The following DMXL1 variants were observed in gnomAD, a reference collection of about 807,000 sequenced individuals.
DMXL1 encodes the protein Dmx like 1.
Under a neutral mutation model 319.2 loss-of-function variants are expected in DMXL1, and 99 were observed. The observed-to-expected ratio is 0.31, with a 90% CI of 0.26 to 0.37. The LOEUF (loss-of-function observed/expected upper bound fraction) is 0.37. Ranked by LOEUF, DMXL1 falls within the 10% of genes least tolerant of loss-of-function variation. The pLI, the probability that DMXL1 is intolerant of heterozygous loss-of-function variation, is 1.00. For missense variants in DMXL1, 3,745 were observed against 3,595.6 expected, an observed-to-expected ratio of 1.04 and a Z score of -1.06; for synonymous variants, 1,385 against 1,235.2, an observed-to-expected ratio of 1.12 and a Z score of -2.54.
intron 4 of DMXL1, among the ~76,000 whole-genome samples, chr5:119,106,297 T>C (rs1435776822): frequency 1.3e-5 from 2 of 152,146 alleles, no homozygotes; most frequent in Non-Finnish European, 2.9e-5. Flanking sequence ...TGCCACATTA[T>C]ATGGTCACAG....
chr5:119,126,251 C>G (rs1415940065), intron 9 of DMXL1, among the ~76,000 whole-genome samples: 2 of 151,978 alleles, frequency 1.3e-5, no homozygotes, highest in Non-Finnish European at 2.9e-5. Flanking sequence ...CCATTGCCCT[C>G]CACCCTGGGC....
rs1225726281 is a variant in DMXL1, at chr5:119,083,646, A to AT, written c.87+11992dup. On this transcript the variant is annotated intron_variant, in intron 1 of 43. Coordinates refer to ENST00000539542, the MANE Select transcript of DMXL1 (RefSeq NM_001290321.3). ...AACCTCTGCTTCCTAGGTTCAAGCG[A>AT]TTCTCCTGCCTCTGCCTCGGAGTAG... 5.9e-5 allele frequency among the ~76,000 whole-genome samples: 9 copies of AT among 152,122 alleles called. No homozygotes were observed. In the South Asian group the frequency reaches 1.9e-3, roughly 32 times the overall value.
intron 5 of DMXL1, among the ~76,000 whole-genome samples, chr5:119,113,284 C>T (rs1486069656): frequency 6.6e-6 from 1 of 152,116 alleles, no homozygotes; most frequent in African/African-American, 2.4e-5. Context: ...GCTCTGTCAC[C>T]CAGGCTGAGT....
chr5:119,146,252 G>C (rs1264450010), intron 15 of DMXL1, among the ~76,000 whole-genome samples: 1 of 151,762 alleles, frequency 6.6e-6, no homozygotes, highest in African/African-American at 2.4e-5. Context: ...AGAAAACTTG[G>C]ATTAAAATCT....
At chr5:119,236,007 CAA>C (rs1787685358) in intron 39 of DMXL1, among the ~76,000 whole-genome samples, 1 of 151,836 alleles carries the variant, frequency 6.6e-6, no homozygotes, top group African/African-American at 2.4e-5. Context: ...ATATTATTAA[CAA>C]ATATAAAAAC....
chr5:119,192,531 T>TAA (rs1328503182), intron 29 of DMXL1, among the ~76,000 whole-genome samples: 1 of 152,212 alleles, frequency 6.6e-6, no homozygotes, highest in Non-Finnish European at 1.5e-5. Flanking sequence ...TACTTACTTA[T>TAA]ATAACTTTCT....
chr5:119,141,559 C>G (rs1383728015), intron 13 of DMXL1, among the ~76,000 whole-genome samples: 2 of 152,218 alleles, frequency 1.3e-5, no homozygotes, highest in East Asian at 1.9e-4. Context: ...GGTGGAAGAT[C>G]TCTACAATGA....
At chr5:119,172,502 A>G (rs1472042851) in intron 25 of DMXL1, among the ~76,000 whole-genome samples, 3 of 152,284 alleles carry the variant, frequency 2.0e-5, no homozygotes, top group East Asian at 1.9e-4. Flanking sequence ...AACTTATTCA[A>G]TCAGTTTGTG....
At chr5:119,081,517 C>T (rs2149692284) in intron 1 of DMXL1, 1 of 949,246 alleles carries the variant, frequency 1.1e-6, no homozygotes, top group East Asian at 1.2e-4. Context: ...CATCTTCACA[C>T]TTAAGTCAAT....
chr5:119,148,244 A>G (rs1769013658), intron 17 of DMXL1, among the ~76,000 whole-genome samples: 1 of 152,166 alleles, frequency 6.6e-6, no homozygotes, highest in African/African-American at 2.4e-5. Context: ...TAGGCCATTC[A>G]CATTTATATT....
chr5:119,098,896 A>T (rs1192066045), intron 2 of DMXL1, among the ~76,000 whole-genome samples: 1 of 152,214 alleles, frequency 6.6e-6, no homozygotes, highest in East Asian at 1.9e-4. Context: ...TCATATTAAG[A>T]GTCCATGGAC....
chr5:119,108,714 C>A (rs1229257910), intron 4 of DMXL1, among the ~76,000 whole-genome samples: 1 of 152,006 alleles, frequency 6.6e-6, no homozygotes, highest in African/African-American at 2.4e-5. Context: ...GCCACTGCAC[C>A]CAGCCTTGAC....
chr5:119,118,080 C>T (rs760289530), intron 7 of DMXL1, among the ~76,000 whole-genome samples: 4 of 152,122 alleles, frequency 2.6e-5, no homozygotes, highest in African/African-American at 7.2e-5. Context: ...GCTTGTTGGA[C>T]TTATTAACAT....
chr5:119,215,829 G>A (rs1178217789), intron 34 of DMXL1, among the ~76,000 whole-genome samples: 1 of 152,028 alleles, frequency 6.6e-6, no homozygotes, highest in African/African-American at 2.4e-5. Flanking sequence ...GGGTGTGGTG[G>A]CTCACGCCCA....
At chr5:119,197,676 C>A in intron 31 of DMXL1, 79 bp from the exon 32 acceptor site, 1 of 1,296,498 alleles carries the variant, frequency 7.7e-7, no homozygotes, top group Non-Finnish European at 1.1e-6. Flanking sequence ...GCTCTCCCCT[C>A]TCTCATTTCA....
rs114079755 is a variant in DMXL1, at chr5:119,192,205, A to G, written c.7315-1623A>G. On this transcript the variant is annotated intron_variant, in intron 29 of 43. Transcript: ENST00000539542. ...TTTCATCATCCCAATTTAAAGTTAC[A>G]GATCAATTACATTTGCTCCTGTCTT... Among the ~76,000 whole-genome samples the G allele has an allele frequency of 2.2e-3, 342 of 152,358 alleles. 1 individual carries two copies. Among genetic ancestry groups the G allele is most frequent in the African/African-American group, 8.0e-3 (332 of 41,582 alleles).
At chr5:119,171,717 T>C (rs912918652) in intron 24 of DMXL1, 61 bp from the exon 25 acceptor site, 51 of 1,353,910 alleles carry the variant, frequency 3.8e-5, no homozygotes, top group Non-Finnish European at 5.0e-5. Flanking sequence ...CTTGATTTAC[T>C]GAAGTAATGG....
chr5:119,081,796 CA>C (rs1752242592), intron 1 of DMXL1: 1 of 893,486 alleles, frequency 1.1e-6, no homozygotes, highest in Non-Finnish European at 1.3e-6. Flanking sequence ...AGTTTTTGGC[CA>C]TAAGTTATAA....
At chr5:119,081,526 A>T in intron 1 of DMXL1, 1 of 972,858 alleles carries the variant, frequency 1.0e-6, no homozygotes, top group Non-Finnish European at 1.2e-6. Flanking sequence ...ACTTAAGTCA[A>T]TTAACAGGTA....
Sources: allele counts gnomAD v4.1 joint callset (sites outside exome capture counted in the v4.1 genomes callset), GRCh38; gene constraint gnomAD v4.1.1; transcripts MANE v1.5; gene names NCBI Gene and HGNC (gene_info 2026-07-23, HGNC 2026-07-21).